SOBP: variants seen among roughly 807,000 people sequenced by gnomAD.
SOBP encodes the protein sine oculis-binding protein homolog.
In SOBP, 4 loss-of-function variants were observed where a neutral mutation model predicts 53.6. That is an observed-to-expected ratio of 0.07 (90% CI 0.04 to 0.17). SOBP has a LOEUF of 0.17. Among genes scored for constraint, SOBP ranks in the 10% least tolerant of loss-of-function variants. SOBP has a pLI of 1.00. For missense variants in SOBP, 1,088 were observed against 1,204.7 expected (o/e 0.90, Z 1.43); for synonymous variants, 584 against 522.6 (o/e 1.12, Z -1.60).
chr6:107,556,273 A>T (rs903083398), intron 4 of SOBP, among the ~76,000 whole-genome samples: 1 of 152,228 alleles, frequency 6.6e-6, no homozygotes, highest in Non-Finnish European at 1.5e-5. Context: ...AAAAGCAGAA[A>T]TGCACACTCT....
intron 5 of SOBP, among the ~76,000 whole-genome samples, chr6:107,595,400 G>A (rs1655151849): frequency 1.1e-5 from 1 of 94,106 alleles, no homozygotes; most frequent in Non-Finnish European, 2.0e-5. Flanking sequence ...TTTTAAAAAA[G>A]CTTGAACTAT....
chr6:107,650,687 C>G (rs1357981123), intron 6 of SOBP, among the ~76,000 whole-genome samples: 1 of 152,160 alleles, frequency 6.6e-6, no homozygotes, highest in African/African-American at 2.4e-5. Flanking sequence ...GCTGTTCCCC[C>G]ATCTTTCTCC....
At chr6:107,595,414 GGTTT>G (rs568420374) in intron 5 of SOBP, among the ~76,000 whole-genome samples, 1,456 of 96,888 alleles carry the variant, frequency 0.015, 10 homozygotes, top group Non-Finnish European at 0.02. Flanking sequence ...GAACTATTTT[GGTTT>G]GTTAGGGTTG....
At chr6:107,636,038 CA>C (rs965386732) in intron 6 of SOBP, among the ~76,000 whole-genome samples, 4 of 152,186 alleles carry the variant, frequency 2.6e-5, no homozygotes, top group African/African-American at 9.6e-5. Context: ...ATGCATATGT[CA>C]ACTGAACCCA....
chr6:107,583,608 C>G (rs1785473739), intron 4 of SOBP, among the ~76,000 whole-genome samples: 1 of 152,122 alleles, frequency 6.6e-6, no homozygotes, highest in Non-Finnish European at 1.5e-5. Flanking sequence ...TCAACATAAC[C>G]TCGAAGTGCT....
chr6:107,529,113 G>A (rs1478947084), intron 3 of SOBP, among the ~76,000 whole-genome samples: 6 of 152,166 alleles, frequency 3.9e-5, no homozygotes, highest in Non-Finnish European at 8.8e-5. Context: ...TTCACTCCTA[G>A]AACACAGGGA....
At chr6:107,540,422 A>G (rs1392582957) in intron 4 of SOBP, among the ~76,000 whole-genome samples, 2 of 152,222 alleles carry the variant, frequency 1.3e-5, no homozygotes, top group Non-Finnish European at 2.9e-5. Flanking sequence ...TGGTCACTTC[A>G]TTTCTGTCCC....
At chr6:107,507,608 A>G (rs1783035127) in intron 3 of SOBP, among the ~76,000 whole-genome samples, 1 of 151,988 alleles carries the variant, frequency 6.6e-6, no homozygotes, top group South Asian at 2.1e-4. Flanking sequence ...TCCGGGCCCT[A>G]AAACAGTTTT....
Position 107,635,389 on chromosome 6 carries a change from A to G in SOBP, c.2545A>G (p.Met849Val). Reference sequence around the variant, plus strand: ...GGCACCGTGCATCATCTCCTCGCCCATGCTCAGCGCCGGGCCTGAGGACCT... The same window carrying G: ...GGCACCGTGCATCATCTCCTCGCCCGTGCTCAGCGCCGGGCCTGAGGACCT... ...AMAPCIISSPMLSAGPEDLEP... is the reference protein window; with the variant it reads ...AMAPCIISSPVLSAGPEDLEP... Residue 849 changes from methionine (M) to valine (V), a missense_variant, in exon 6 of 7, where the codon ATG (methionine) becomes GTG (valine). This residue lies in a region of SOBP where 665 missense variants were observed against 629.7 expected (regional missense o/e 1.06). Coordinates refer to ENST00000317357, the MANE Select transcript of SOBP (RefSeq NM_018013.4). The surrounding 1 kb of genome is among the most constrained non-coding windows in gnomAD (Gnocchi z 4.5). The G allele has an allele frequency of 1.9e-6, 3 of 1,613,454 alleles. No homozygotes were observed. The highest frequency in any genetic ancestry group is 2.5e-6 in the Non-Finnish European group (3 of 1,180,020).
rs116552929 is a variant in SOBP, at chr6:107,567,012, A to G, written c.574-20068A>G. Among the ~76,000 whole-genome samples, 777 of 152,310 alleles carry G rather than the reference A, an allele frequency of 5.1e-3. 6 individuals carry two copies. Among genetic ancestry groups the G allele is most frequent in the African/African-American group, 0.018 (736 of 41,562 alleles). ...TCTCTCTGCACAACATTTATTACAG[A>G]CATTTAGTGTAACATTGAAGTCCAT... On this transcript the variant is annotated intron_variant, in intron 4 of 6. Transcript: ENST00000317357.
intron 4 of SOBP, among the ~76,000 whole-genome samples, chr6:107,557,306 G>A (rs1784640970): frequency 6.6e-6 from 1 of 152,178 alleles, no homozygotes; most frequent in Non-Finnish European, 1.5e-5. Flanking sequence ...TGATAGAAGT[G>A]ATTTGAAAAG....
Position 107,638,942 on chromosome 6 carries a change from G to A in SOBP, c.*3+3473G>A, listed in dbSNP as rs555812702. The stretch of plus-strand genomic sequence containing the variant: ...TTTTTTGAGACAGTCTTGGTCTGTT[G>A]CCCAGGCTGGAGTGCAGTGGCACAA... On this transcript the variant is annotated intron_variant, in intron 6 of 6. Transcript: ENST00000317357. 1.8e-3 allele frequency among the ~76,000 whole-genome samples: 274 copies of A among 151,670 alleles called. 1 individual carries two copies. The highest frequency in any genetic ancestry group is 6.1e-3 in the African/African-American group (253 of 41,330).
chr6:107,610,204 C>A (rs902329837), intron 5 of SOBP, among the ~76,000 whole-genome samples: 1 of 152,192 alleles, frequency 6.6e-6, no homozygotes, highest in Non-Finnish European at 1.5e-5. Context: ...GAAATGGATT[C>A]TTCCCTTTCC....
intron 5 of SOBP, among the ~76,000 whole-genome samples, chr6:107,610,808 A>G (rs887656633): frequency 6.7e-6 from 1 of 149,572 alleles, no homozygotes; most frequent in Admixed American, 6.7e-5. Flanking sequence ...ACACACACAC[A>G]CACACACACA....
intron 1 of SOBP, among the ~76,000 whole-genome samples, chr6:107,492,649 T>A (rs573606426): frequency 3.9e-5 from 6 of 152,172 alleles, no homozygotes; most frequent in Admixed American, 2.6e-4. Flanking sequence ...AGGGGAAAAA[T>A]TACACAATTT....
Position 107,634,856 on chromosome 6 carries a change from C to G in SOBP, c.2012C>G (p.Ala671Gly), listed in dbSNP as rs1343584247. The part of the protein sequence containing the change: ...RARLHNVIHR[A>G]LHAHVKAERE... ...CGGCTGCACAACGTGATCCACCGCG[C>G]GCTGCACGCGCACGTCAAGGCGGAG... Residue 671 changes from alanine (A) to glycine (G), a missense_variant, in exon 6 of 7, where the codon GCG becomes GGG. By Grantham distance (60) the Ala-to-Gly change is moderately conservative. Around this residue, in one of 6 missense-constraint regions of SOBP, gnomAD observed 665 missense variants for 629.7 expected, o/e 1.06. Coordinates refer to ENST00000317357, the MANE Select transcript of SOBP (RefSeq NM_018013.4). The surrounding 1 kb of genome is among the most constrained non-coding windows in gnomAD (Gnocchi z 4.5). The G allele has an allele frequency of 7.2e-7, 1 of 1,390,652 alleles. No individual in the cohort carries two copies. The highest frequency in any genetic ancestry group is 3.4e-5 in the East Asian group (1 of 29,588). The allele number at this position is 1,390,652 out of a possible 1,614,324, so 86.1% of individuals were successfully genotyped here. A position where few individuals can be genotyped will look rare whatever the true frequency, so the allele number is the denominator to read the frequency against.
intron 5 of SOBP, among the ~76,000 whole-genome samples, chr6:107,623,974 G>A (rs970443291): frequency 1.2e-4 from 18 of 152,084 alleles, no homozygotes; most frequent in African/African-American, 4.3e-4. Context: ...GGGAAAAATA[G>A]TAGCTCCTTT....
At chr6:107,638,534 T>C (rs2115157626) in intron 6 of SOBP, among the ~76,000 whole-genome samples, 1 of 152,260 alleles carries the variant, frequency 6.6e-6, no homozygotes, top group South Asian at 2.1e-4. Flanking sequence ...TTTGTGCACA[T>C]GTGGTGCTGT....
chr6:107,561,595 T>C (rs1784773990), intron 4 of SOBP, among the ~76,000 whole-genome samples: 1 of 152,226 alleles, frequency 6.6e-6, no homozygotes, highest in South Asian at 2.1e-4. Flanking sequence ...GTTCTGTGCT[T>C]GTGCGCAGCT....
Sources: allele counts gnomAD v4.1 joint callset (sites outside exome capture counted in the v4.1 genomes callset), GRCh38; gene constraint gnomAD v4.1.1; regional missense constraint gnomAD v4.1.1; non-coding constraint Gnocchi (gnomAD v3.1); transcripts MANE v1.5; gene names NCBI Gene and HGNC (gene_info 2026-07-23, HGNC 2026-07-21).